PDXK: variants seen among roughly 807,000 people sequenced by gnomAD.
PDXK encodes pyridoxal kinase.
PDXK carries 15 observed loss-of-function variants against 43.2 expected under a neutral mutation model. The observed-to-expected ratio is 0.35, with a 90% CI of 0.23 to 0.53. The LOEUF (loss-of-function observed/expected upper bound fraction) is 0.53, where lower values mean the gene tolerates loss of function less well. PDXK is among the 20% of genes least tolerant of loss of function. The pLI is 0.92. For synonymous variants in PDXK, 172 were observed against 165.4 expected (o/e 1.04, Z -0.31); for missense variants, 343 against 417.0 (o/e 0.82, Z 1.54).
At chr21:43,748,175 C>T (rs1433132430) in intron 5 of PDXK, among the ~76,000 whole-genome samples, 7 of 152,254 alleles carry the variant, frequency 4.6e-5, no homozygotes, top group Admixed American at 6.5e-5. Flanking sequence ...GCACTGCCTC[C>T]GGCTTAAATT....
intron 6 of PDXK, among the ~76,000 whole-genome samples, 169 bp downstream of exon 6, chr21:43,749,249 C>T (rs371039433): frequency 4.9e-4 from 74 of 152,276 alleles, no homozygotes; most frequent in African/African-American, 1.5e-3. Flanking sequence ...GGATGACAGG[C>T]GTGAGCCACC....
In PDXK at chr21:43,741,745, T is replaced by C. The variant is rs1301319039; in HGVS notation, c.221T>C (p.Met74Thr). 5.0e-6 allele frequency: 8 copies of C among 1,610,332 alleles called. No individual in the cohort carries two copies. The African/African-American group carries it at 9.4e-5, about 19-fold the overall frequency. The change falls in exon 3 of 11, where the codon ATG becomes ACG. Residue 74 changes from methionine to threonine, a missense_variant. Coordinates refer to ENST00000291565, the MANE Select transcript of PDXK (RefSeq NM_003681.5). ...ELYEGLRLNN[M>T]NKYDYVLTGY... is the part of the protein sequence containing the mutation. Reference sequence around the variant, plus strand: ...TACGAAGGCCTGAGGCTGAACAACATGAATAAATATGACTACGTGCTCACA... The same window carrying C: ...TACGAAGGCCTGAGGCTGAACAACACGAATAAATATGACTACGTGCTCACA...
intron 1 of PDXK, among the ~76,000 whole-genome samples, chr21:43,731,910 G>T (rs1253775166): frequency 6.6e-6 from 1 of 152,256 alleles, no homozygotes; most frequent in African/African-American, 2.4e-5. Context: ...TGGGATAAGA[G>T]AATTGTTGGA....
At position 43,735,856 on chromosome 21, in the gene PDXK, C is replaced by T. The variant is rs999412541; in HGVS notation, c.142+1733C>T. Among the ~76,000 whole-genome samples, 1 of 152,194 alleles carries T rather than the reference C, an allele frequency of 6.6e-6. No homozygotes were observed. The highest frequency in any genetic ancestry group is 2.4e-5 in the African/African-American group (1 of 41,446). On this transcript the variant is annotated intron_variant, in intron 2 of 10. Transcript: ENST00000291565. The surrounding 1 kb of genome is among the most constrained non-coding windows in gnomAD (Gnocchi z 5.3). ...GCAGTGAGGGCAGGTGTCACTCTCC[C>T]CTGCACCGGGGCCCTTCTGCCTGCT...
chr21:43,732,573 C>G lies in PDXK; in HGVS notation c.88-1496C>G, dbSNP rs1332411076. The G allele has an allele frequency of 4.6e-6, 4 of 865,572 alleles. No homozygotes were observed. The African/African-American group carries it at 4.9e-5, about 11-fold the overall frequency. 53.6% of individuals were successfully genotyped at this position (865,572 alleles called of 1,614,324 possible). A position where few individuals can be genotyped will look rare whatever the true frequency, so the allele number is the denominator to read the frequency against. On this transcript the variant is annotated intron_variant, in intron 1 of 10. Transcript: ENST00000291565. The surrounding 1 kb of genome is among the most constrained non-coding windows in gnomAD (Gnocchi z 4.1). ...GATTAATTATCTACACACCCAGAAG[C>G]AGTGGAGCAGAATATTTTGGCAGGA...
intron 4 of PDXK, among the ~76,000 whole-genome samples, chr21:43,745,522 A>G (rs554335920): frequency 1.3e-3 from 202 of 152,004 alleles, no homozygotes; most frequent in Non-Finnish European, 1.8e-3. Flanking sequence ...GTTTGGGAAG[A>G]TGAGAAGTTT....
In PDXK at chr21:43,756,176, T is replaced by C; in HGVS notation, c.*113T>C. 1 of 631,190 alleles carries C rather than the reference T, an allele frequency of 1.6e-6. No individual in the cohort carries two copies. The highest frequency in any genetic ancestry group is 2.8e-6 in the Non-Finnish European group (1 of 356,682). 39.1% of individuals were successfully genotyped at this position (631,190 alleles called of 1,614,324 possible). ...TGACCGAAACTTGATATTTTTTTCTTTCATGAGTGTCCGGCATCTGCTGGT... is the reference window on the plus strand; with the variant it reads ...TGACCGAAACTTGATATTTTTTTCTCTCATGAGTGTCCGGCATCTGCTGGT... On this transcript the variant is annotated 3_prime_UTR_variant, in exon 11 of 11. Transcript: ENST00000291565.
chr21:43,752,132 C>T (rs776216677), intron 7 of PDXK, among the ~76,000 whole-genome samples: 1 of 152,138 alleles, frequency 6.6e-6, no homozygotes. Flanking sequence ...TGTGTGCGCG[C>T]GCGTGCTGCC....
chr21:43,720,030 G>A (rs1342374799), intron 1 of PDXK: 5 of 691,514 alleles, frequency 7.2e-6, no homozygotes, highest in Non-Finnish European at 8.9e-6. Context: ...CTGACGAGGA[G>A]AAGCCCCAGA....
chr21:43,732,675 T>C lies in PDXK; in HGVS notation c.88-1394T>C, dbSNP rs1025717904. The C allele has an allele frequency of 6.4e-6, 5 of 776,116 alleles. No individual in the cohort carries two copies. The highest frequency in any genetic ancestry group is 5.1e-5 in the African/African-American group (3 of 59,004). The allele number at this position is 776,116 out of a possible 1,614,324, so 48.1% of individuals were successfully genotyped here. ...TAGAATTTTAAAGGATTTGAAATAC[T>C]GCAAGCTATCTGTGTATAGAGGCTG... On this transcript the variant is annotated intron_variant, in intron 1 of 10. Coordinates refer to ENST00000291565, the MANE Select transcript of PDXK (RefSeq NM_003681.5). The surrounding 1 kb of genome is among the most constrained non-coding windows in gnomAD (Gnocchi z 4.1).
intron 1 of PDXK, among the ~76,000 whole-genome samples, chr21:43,726,427 C>T (rs1050205050): frequency 5.3e-5 from 8 of 152,038 alleles, no homozygotes; most frequent in African/African-American, 1.9e-4. Flanking sequence ...AGGCGCCCGC[C>T]ACCACACCAG....
Position 43,752,505 on chromosome 21 carries a change from G to C in PDXK, c.511-13G>C. 6.3e-7 allele frequency: 1 copy of C among 1,586,870 alleles called. No homozygotes were observed. The highest frequency in any genetic ancestry group is 2.2e-5 in the East Asian group (1 of 44,722). On this transcript the variant is annotated splice_polypyrimidine_tract_variant and intron_variant, in intron 7 of 10. Transcript: ENST00000291565. ...TGACCGGCCGTGGCTGACGCTCCCTGTGCCACTGCTAGGTGATGGACATGC... is the reference window on the plus strand; with the variant it reads ...TGACCGGCCGTGGCTGACGCTCCCTCTGCCACTGCTAGGTGATGGACATGC...
rs1220856204 is a variant in PDXK, at chr21:43,723,999, G to A, written c.87+4618G>A. The A allele has an allele frequency of 2.0e-5, 3 of 152,236 alleles. No individual in the cohort carries two copies. The highest frequency in any genetic ancestry group is 4.4e-5 in the Non-Finnish European group (3 of 68,046). 9.4% of individuals were successfully genotyped at this position (152,236 alleles called of 1,614,324 possible). A position where few individuals can be genotyped will look rare whatever the true frequency, so the allele number is the denominator to read the frequency against. On this transcript the variant is annotated intron_variant, in intron 1 of 10. Transcript: ENST00000291565. This position sits in a 1 kb window ranked among gnomAD's most constrained non-coding sequence, Gnocchi z 4.1. ...AGAATCTCACTTGGGGCCTTAGCTC[G>A]AGACCCATTTAAATACCACATCGCA...
At chr21:43,744,181 T>TGG (rs1247170933) in intron 4 of PDXK, among the ~76,000 whole-genome samples, 1 of 70,024 alleles carries the variant, frequency 1.4e-5, no homozygotes, top group East Asian at 3.6e-4. Flanking sequence ...GGCTAGGGAG[T>TGG]GGGGGAGGGC....
chr21:43,729,153 TTTACGGAG>T lies in PDXK; in HGVS notation c.88-4911_88-4904del, dbSNP rs542574857. On this transcript the variant is annotated intron_variant, in intron 1 of 10. Coordinates refer to ENST00000291565, the MANE Select transcript of PDXK (RefSeq NM_003681.5). ...GGCTCCGCTGGGTGCTTGGCGCTTG[TTTACGGAG>T]TTACACCTTGCGGTAGAGGCTGAGC... 4.2e-4 allele frequency: 144 copies of T among 341,848 alleles called. 1 individual carries two copies. The South Asian group carries it at 9.5e-3, about 22-fold the overall frequency. The allele number at this position is 341,848 out of a possible 1,614,324, so 21.2% of individuals were successfully genotyped here.
chr21:43,740,779 C>T lies in PDXK; in HGVS notation c.143-888C>T, dbSNP rs149279090. ...GCTGAGGCCTCTTTCTCATTCACATCTATCTCTTGCTCAGGAGTTGATCTA... is the reference window on the plus strand; with the variant it reads ...GCTGAGGCCTCTTTCTCATTCACATTTATCTCTTGCTCAGGAGTTGATCTA... On this transcript the variant is annotated intron_variant, in intron 2 of 10. Coordinates refer to ENST00000291565, the MANE Select transcript of PDXK (RefSeq NM_003681.5). 4.6e-3 allele frequency among the ~76,000 whole-genome samples: 705 copies of T among 151,958 alleles called. 9 individuals carry two copies. The highest frequency in any genetic ancestry group is 0.016 in the African/African-American group (676 of 41,548).
At chr21:43,749,135 G>C (rs1011558116) in intron 6 of PDXK, 55 bp downstream of exon 6, 3 of 1,110,886 alleles carry the variant, frequency 2.7e-6, no homozygotes, top group Non-Finnish European at 4.0e-6. Context: ...GATGGGTCTC[G>C]CTCTTGTCAC....
At chr21:43,751,651 C>T (rs936534328) in intron 7 of PDXK, among the ~76,000 whole-genome samples, 10 of 152,182 alleles carry the variant, frequency 6.6e-5, no homozygotes, top group Non-Finnish European at 1.3e-4. Flanking sequence ...CAGGGTCTGG[C>T]GGGGGCTACT....
rs889337622 is a variant in PDXK, at chr21:43,734,577, G to A, written c.142+454G>A. Among the ~76,000 whole-genome samples the A allele has an allele frequency of 2.4e-4, 37 of 152,302 alleles. No individual in the cohort carries two copies. The highest frequency in any genetic ancestry group is 3.4e-3 in the Middle Eastern group (1 of 294). ...GAGGAGGGTCCCCCATGGGGTGGTC[G>A]TGCTGGGGGATGTGTAGGTGGTTCT... is the stretch of plus-strand genomic sequence containing the variant. On this transcript the variant is annotated intron_variant, in intron 2 of 10. Transcript: ENST00000291565. The surrounding 1 kb of genome is among the most constrained non-coding windows in gnomAD (Gnocchi z 5.0).
Sources: gnomAD v4.1 joint callset for allele counts (sites outside exome capture counted in the v4.1 genomes callset) on GRCh38, gnomAD v4.1.1 for gene constraint, Gnocchi (gnomAD v3.1) non-coding constraint, MANE v1.5 for transcripts, NCBI Gene and HGNC (gene_info 2026-07-23, HGNC 2026-07-21) for gene names.